Variants in ELFN1 observed in about 807,000 individuals in gnomAD.
ELFN1 encodes the protein extracellular leucine rich repeat and fibronectin type III domain containing 1.
A neutral mutation model predicts 7.6 loss-of-function variants in ELFN1; 6 were observed. The ratio of observed to expected loss-of-function variants is 0.79; its 90% confidence interval spans 0.43 to 1.56. The LOEUF is 1.56. Among genes scored for constraint, ELFN1 ranks in the 40% most tolerant of loss-of-function variants. ELFN1 has a pLI of 0.01. For synonymous variants in ELFN1, 657 were observed against 588.1 expected (o/e 1.12, Z -1.70); for missense variants, 1,169 against 1,232.2 (o/e 0.95, Z 0.77).
intron 2 of ELFN1, among the ~76,000 whole-genome samples, chr7:1,688,396 C>A (rs1335875421): frequency 2.0e-5 from 3 of 152,070 alleles, no homozygotes; most frequent in African/African-American, 7.2e-5. Flanking sequence ...ATAAAGAAAT[C>A]TTTTCTCACC....
intron 3 of ELFN1, among the ~76,000 whole-genome samples, chr7:1,742,853 C>A (rs1288045530): frequency 7.2e-5 from 11 of 152,234 alleles, no homozygotes; most frequent in African/African-American, 2.7e-4. Flanking sequence ...CATTTTACAT[C>A]ATTATATTTT....
At position 1,673,748 on chromosome 7, in the gene ELFN1, G is replaced by T; in HGVS notation, c.-549+3394G>T. ...AAATAAATGTGCCTCCTTTCCCTCG[G>T]AGATCAGCCGGTCCAGCCCCTGAAG... On this transcript the variant is annotated intron_variant, in intron 1 of 3. Coordinates refer to ENST00000424383, the MANE Select transcript of ELFN1 (RefSeq NM_001128636.4). This position sits in a 1 kb window ranked among gnomAD's most constrained non-coding sequence, Gnocchi z 4.7. 6.6e-6 allele frequency among the ~76,000 whole-genome samples: 1 copy of T among 152,200 alleles called. No homozygotes were observed. The highest frequency in any genetic ancestry group is 1.5e-5 in the Non-Finnish European group (1 of 68,026).
At position 1,673,555 on chromosome 7, in the gene ELFN1, C is replaced by T. The variant is rs1448654888; in HGVS notation, c.-549+3201C>T. Among the ~76,000 whole-genome samples, 2 of 152,142 alleles carry T rather than the reference C, an allele frequency of 1.3e-5. No homozygotes were observed. The highest frequency in any genetic ancestry group is 2.9e-5 in the Non-Finnish European group (2 of 68,018). ...TGGATTGAGACCTGGTTCTGTCCCA[C>T]CTCTTCCAGCCTCCTGGGGAGGGAG... is the stretch of plus-strand genomic sequence containing the variant. On this transcript the variant is annotated intron_variant, in intron 1 of 3. Transcript: ENST00000424383. The surrounding 1 kb of genome is among the most constrained non-coding windows in gnomAD (Gnocchi z 4.7).
At chr7:1,725,610 C>T (rs1281577069) in intron 3 of ELFN1, among the ~76,000 whole-genome samples, 7 of 152,148 alleles carry the variant, frequency 4.6e-5, no homozygotes, top group African/African-American at 7.2e-5. Context: ...TCGGCTTCAC[C>T]GAAAATGGAA....
intron 3 of ELFN1, among the ~76,000 whole-genome samples, chr7:1,733,041 C>T (rs1780356536): frequency 6.6e-6 from 1 of 152,192 alleles, no homozygotes; most frequent in Non-Finnish European, 1.5e-5. Flanking sequence ...GCTGGGATTA[C>T]AGGCACCTGC....
chr7:1,744,241 CCGTCCCCTGACCGCTGTCTTCTCTCT>C (rs1182000676), intron 3 of ELFN1, 37 bp from the exon 4 acceptor site: 12 of 291,342 alleles, frequency 4.1e-5, no homozygotes, highest in African/African-American at 1.1e-4. Context: ...GAGATGCCGG[CCGTCCCCTGACCGCTGTCTTCTCTCT>C]TGTCCCCTGA....
At chr7:1,693,479 C>T (rs915221271) in intron 2 of ELFN1, 6 of 471,028 alleles carry the variant, frequency 1.3e-5, no homozygotes, top group Admixed American at 4.7e-5. Context: ...AGGTGCGTGC[C>T]GCAGGGACAG....
chr7:1,672,460 C>T lies in ELFN1; in HGVS notation c.-549+2106C>T, dbSNP rs538404166. On this transcript the variant is annotated intron_variant, in intron 1 of 3. Transcript: ENST00000424383. ...TGGAGTAGTTGCCTGTCTCGGACCC[C>T]GGCATTTGAATATTTTCACCCTAAA... Among the ~76,000 whole-genome samples the T allele has an allele frequency of 7.9e-5, 12 of 152,168 alleles. No individual in the cohort carries two copies. The East Asian group carries it at 9.7e-4, about 12-fold the overall frequency.
At chr7:1,667,965 T>TGGG (rs201869702), upstream of ELFN1, among the ~76,000 whole-genome samples, 108 of 44,828 alleles carry the variant, frequency 2.4e-3, 5 homozygotes, top group African/African-American at 8.3e-3. This position sits in a 1 kb window ranked among gnomAD's most constrained non-coding sequence, Gnocchi z 8.2. Context: ...CCGCTCGGGG[T>TGGG]GGGGGGGGGG....
chr7:1,731,458 A>G (rs921443189), intron 3 of ELFN1, among the ~76,000 whole-genome samples: 3 of 152,234 alleles, frequency 2.0e-5, no homozygotes, highest in Admixed American at 1.3e-4. Flanking sequence ...GGGAGGTGTT[A>G]TCAATAGAAA....
Position 1,746,629 on chromosome 7 carries a change from A to C in ELFN1, c.2033A>C (p.Asp678Ala). 2 of 1,352,952 alleles carry C rather than the reference A, an allele frequency of 1.5e-6. No homozygotes were observed. The highest frequency in any genetic ancestry group is 3.1e-5 in the African/African-American group (2 of 64,392). The allele number at this position is 1,352,952 out of a possible 1,614,324, so 83.8% of individuals were successfully genotyped here. A position where few individuals can be genotyped will look rare whatever the true frequency, so the allele number is the denominator to read the frequency against. Residue 678 changes from aspartate (D) to alanine (A), a missense_variant, in exon 4 of 4, where the codon GAC becomes GCC. By Grantham distance (126) the Asp-to-Ala change is moderately radical (BLOSUM62 -2). Around this residue, in one of 2 missense-constraint regions of ELFN1, gnomAD observed 914 missense variants for 872.6 expected, o/e 1.05. Coordinates refer to ENST00000424383, the MANE Select transcript of ELFN1 (RefSeq NM_001128636.4). ...ATCGAGAAGGGCTCCCCCGCGGCCG[A>C]CGCCATCCTCACTGTGACACCCGCG... Reference protein sequence around the residue: ...KYIEKGSPAADAILTVTPAAA... With the variant: ...KYIEKGSPAAAAILTVTPAAA...
chr7:1,745,821 G>C lies in ELFN1; in HGVS notation c.1225G>C (p.Val409Leu). ...CCGGCTGCCCAGCCCGCCTGGTCCG[G>C]TGCCCAGCCCCTCCACGGCCACCCA... is the stretch of plus-strand genomic sequence containing the variant. ...LPRLPSPPGP[V>L]PSPSTATHYI... Residue 409 changes from valine (V) to leucine (L), a missense_variant, in exon 4 of 4, where the codon GTG (valine) becomes CTG (leucine). Around this residue, in one of 2 missense-constraint regions of ELFN1, gnomAD observed 914 missense variants for 872.6 expected, o/e 1.05. Transcript: ENST00000424383. 1 of 1,571,348 alleles carries C rather than the reference G, an allele frequency of 6.4e-7. No homozygotes were observed. Among genetic ancestry groups the C allele is most frequent in the Non-Finnish European group, 8.6e-7 (1 of 1,160,698 alleles).
intron 3 of ELFN1, among the ~76,000 whole-genome samples, chr7:1,716,768 G>A (rs1261200727): frequency 6.6e-6 from 1 of 152,232 alleles, no homozygotes; most frequent in African/African-American, 2.4e-5. Flanking sequence ...AGCAGCTAAA[G>A]TGGGTCAGAG....
Position 1,746,771 on chromosome 7 carries a change from T to G in ELFN1, c.2175T>G (p.Pro725=), listed in dbSNP as rs1327226527. ...PPAPPGPPPP[P]PHEGLGRKAS... is the part of the protein sequence containing the mutation. ...CGCCCCCCGGGCCACCGCCGCCGCC[T>G]CCGCACGAGGGCCTGGGGCGCAAGG... The change falls in exon 4 of 4, where the codon CCT becomes CCG. Residue 725 remains proline (P), a synonymous_variant. Coordinates refer to ENST00000424383, the MANE Select transcript of ELFN1 (RefSeq NM_001128636.4). 1.3e-5 allele frequency: 19 copies of G among 1,513,520 alleles called. No homozygotes were observed. In the East Asian group the frequency reaches 4.2e-4, roughly 33 times the overall value. The allele number at this position is 1,513,520 out of a possible 1,614,324, so 93.8% of individuals were successfully genotyped here. A position where few individuals can be genotyped will look rare whatever the true frequency, so the allele number is the denominator to read the frequency against.
rs574316752 is a variant in ELFN1 at position 1,740,502 on chromosome 7, C to T, written c.-293-3802C>T. Among the ~76,000 whole-genome samples the T allele has an allele frequency of 6.8e-4, 103 of 152,318 alleles. No homozygotes were observed. Among genetic ancestry groups the T allele is most frequent in the African/African-American group, 2.3e-3 (95 of 41,578 alleles). Reference sequence around the variant, plus strand: ...TGCAGCGGCAGGTGTGAGTGCGGATCAGCGAGGGCACAGGCTGGCGGGGCA... The same window carrying T: ...TGCAGCGGCAGGTGTGAGTGCGGATTAGCGAGGGCACAGGCTGGCGGGGCA... On this transcript the variant is annotated intron_variant, in intron 3 of 3. Transcript: ENST00000424383. The surrounding 1 kb of genome is among the most constrained non-coding windows in gnomAD (Gnocchi z 5.0).
upstream of ELFN1, among the ~76,000 whole-genome samples, chr7:1,669,253 G>A (rs1166385153): frequency 6.6e-6 from 1 of 152,248 alleles, no homozygotes; most frequent in East Asian, 1.9e-4. Context: ...TCTTTTGTAT[G>A]CTCGTTGAAT....
At position 1,740,012 on chromosome 7, in the gene ELFN1, C is replaced by T. The variant is rs1780564607; in HGVS notation, c.-293-4292C>T. On this transcript the variant is annotated intron_variant, in intron 3 of 3. Transcript: ENST00000424383. This position sits in a 1 kb window ranked among gnomAD's most constrained non-coding sequence, Gnocchi z 5.0. ...CGGCAGCTACTAGCCACGTTTCTGGCACTCCAGAGCCACAGGGGACCCGTG... is the reference window on the plus strand; with the variant it reads ...CGGCAGCTACTAGCCACGTTTCTGGTACTCCAGAGCCACAGGGGACCCGTG... Among the ~76,000 whole-genome samples the T allele has an allele frequency of 6.6e-6, 1 of 152,244 alleles. No homozygotes were observed. Among genetic ancestry groups the T allele is most frequent in the Non-Finnish European group, 1.5e-5 (1 of 68,028 alleles).
chr7:1,699,314 T>G (rs891537367), intron 2 of ELFN1, among the ~76,000 whole-genome samples: 15 of 152,162 alleles, frequency 9.9e-5, no homozygotes, highest in African/African-American at 3.6e-4. Context: ...ATGGACTTGT[T>G]GAGTCTGATC....
intron 3 of ELFN1, among the ~76,000 whole-genome samples, chr7:1,724,915 T>TA (rs140966633): frequency 0.032 from 4,850 of 152,244 alleles, 276 homozygotes; most frequent in African/African-American, 0.11. Context: ...TTCATCGCCT[T>TA]ACCTCACAAT....
Sources: gnomAD v4.1 joint callset for allele counts (sites outside exome capture counted in the v4.1 genomes callset) on GRCh38, gnomAD v4.1.1 for gene constraint, gnomAD v4.1.1 regional missense constraint, Gnocchi (gnomAD v3.1) non-coding constraint, MANE v1.5 for transcripts, NCBI Gene and HGNC (gene_info 2026-07-23, HGNC 2026-07-21) for gene names.